SOS2: variants seen among roughly 807,000 people sequenced by gnomAD.
The protein encoded by SOS2 is SOS Ras/Rho guanine nucleotide exchange factor 2.
A neutral mutation model predicts 148.2 loss-of-function variants in SOS2; 65 were observed. That is an observed-to-expected ratio of 0.44 (90% CI 0.36 to 0.54). SOS2 has a LOEUF of 0.54. Ranked by LOEUF, SOS2 falls within the 20% of genes least tolerant of loss-of-function variation. SOS2 has a pLI of 0.00. For synonymous variants in SOS2, 539 were observed against 537.1 expected, an observed-to-expected ratio of 1.00 and a Z score of -0.05; for missense variants, 1,341 against 1,590.2, an observed-to-expected ratio of 0.84 and a Z score of 2.67.
At chr14:50,207,417 A>G (rs1432776134) in intron 1 of SOS2, among the ~76,000 whole-genome samples, 1 of 152,120 alleles carries the variant, frequency 6.6e-6, no homozygotes, top group African/African-American at 2.4e-5. Context: ...AGGCTAAAGC[A>G]AAAGGATTAC....
At chr14:50,132,693 C>A (rs1000250380) in intron 19 of SOS2, among the ~76,000 whole-genome samples, 1 of 151,962 alleles carries the variant, frequency 6.6e-6, no homozygotes, top group Non-Finnish European at 1.5e-5. Context: ...AAAGAAAGGT[C>A]ATGGCAACAG....
intron 8 of SOS2, among the ~76,000 whole-genome samples, chr14:50,172,989 A>G (rs948037987): frequency 6.6e-6 from 1 of 152,120 alleles, no homozygotes; most frequent in Non-Finnish European, 1.5e-5. Flanking sequence ...TATCTTGCTC[A>G]GTAAAATGTT....
intron 1 of SOS2, among the ~76,000 whole-genome samples, chr14:50,222,335 A>C (rs1887225468): frequency 6.6e-6 from 1 of 152,236 alleles, no homozygotes; most frequent in South Asian, 2.1e-4. Context: ...ATTTAGGAGA[A>C]AGAATCAAGT....
chr14:50,153,294 C>A, intron 12 of SOS2, 121 bp from the exon 13 acceptor site: 1 of 552,420 alleles, frequency 1.8e-6, no homozygotes, highest in East Asian at 2.8e-5. Flanking sequence ...CAAAGACTCT[C>A]TAATCTGTAT....
chr14:50,204,196 T>C, intron 2 of SOS2, 88 bp downstream of exon 2: 1 of 770,032 alleles, frequency 1.3e-6, no homozygotes, highest in East Asian at 2.9e-5. Context: ...GTGGTTTTAG[T>C]TTTCACAATA....
chr14:50,135,085 A>AAG (rs1192320723), intron 18 of SOS2, among the ~76,000 whole-genome samples: 1 of 143,950 alleles, frequency 6.9e-6, no homozygotes, highest in Non-Finnish European at 1.6e-5. Context: ...AAAAAAAAAA[A>AAG]AAAAAAAGAA....
intron 4 of SOS2, among the ~76,000 whole-genome samples, chr14:50,192,725 G>A (rs188105416): frequency 7.3e-5 from 11 of 151,664 alleles, no homozygotes; most frequent in Non-Finnish European, 1.0e-4. Flanking sequence ...TTAGCCAGGC[G>A]TGGTGGCAAG....
At chr14:50,189,093 A>G (rs552213362) in intron 4 of SOS2, among the ~76,000 whole-genome samples, 4 of 150,678 alleles carry the variant, frequency 2.7e-5, no homozygotes, top group African/African-American at 7.3e-5. Context: ...ACACACACAC[A>G]CACACACACG....
At chr14:50,140,778 G>A (rs1053596544) in intron 16 of SOS2, among the ~76,000 whole-genome samples, 3 of 152,114 alleles carry the variant, frequency 2.0e-5, no homozygotes, top group African/African-American at 7.2e-5. Flanking sequence ...GGATATGACT[G>A]CCCATGAGGA....
Position 50,118,494 on chromosome 14 carries a change from A to T in SOS2, c.3849T>A (p.Asn1283Lys), listed in dbSNP as rs1417984521. Residue 1283 changes from asparagine to lysine, a missense_variant, in exon 23 of 23, where the codon AAT (asparagine) becomes AAA (lysine). Coordinates refer to ENST00000216373, the MANE Select transcript of SOS2 (RefSeq NM_006939.4). ...RCYVLSSSQN[N>K]LAHPPAPPVP... is the part of the protein sequence containing the mutation. ...CAGGGGGAGCTGGAGGATGAGCAAG[A>T]TTATTCTGACTAGAACTGAGCACAT... The T allele has an allele frequency of 1.2e-6, 2 of 1,614,110 alleles. No individual in the cohort carries two copies. Among genetic ancestry groups the T allele is most frequent in the Non-Finnish European group, 1.7e-6 (2 of 1,180,018 alleles).
rs1318750223 is a variant in SOS2, at chr14:50,182,451, T to C, written c.858+12A>G. On this transcript the variant is annotated intron_variant, in intron 6 of 22. Coordinates refer to ENST00000216373, the MANE Select transcript of SOS2 (RefSeq NM_006939.4). ...GGCTTTAATGAGAATATAAGTAGTT[T>C]TGTAAACTTACTTCTGCCAAATCTT... 1 of 1,613,194 alleles carries C rather than the reference T, an allele frequency of 6.2e-7. No homozygotes were observed. The highest frequency in any genetic ancestry group is 1.7e-5 in the Admixed American group (1 of 59,966).
chr14:50,180,377 A>G (rs1050953438), intron 7 of SOS2, among the ~76,000 whole-genome samples, 195 bp downstream of exon 7: 3 of 148,588 alleles, frequency 2.0e-5, no homozygotes, highest in Non-Finnish European at 4.4e-5. Flanking sequence ...ATGTTGTACT[A>G]TAAAAGATTT....
At chr14:50,178,018 G>A (rs10134448) in intron 7 of SOS2, among the ~76,000 whole-genome samples, 21,626 of 152,140 alleles carry the variant, frequency 0.14, 2,017 homozygotes, top group African/African-American at 0.26. Context: ...CAGAAAAACA[G>A]GGGCTGATAA....
intron 1 of SOS2, among the ~76,000 whole-genome samples, chr14:50,229,525 G>A (rs1402778353): frequency 6.6e-6 from 1 of 151,828 alleles, no homozygotes; most frequent in Non-Finnish European, 1.5e-5. Flanking sequence ...AAAAAATCTG[G>A]GTCTGGTGCG....
chr14:50,230,647 C>A (rs1444284662), intron 1 of SOS2, among the ~76,000 whole-genome samples: 2 of 152,148 alleles, frequency 1.3e-5, no homozygotes, highest in African/African-American at 4.8e-5. Flanking sequence ...ACACCGTTTG[C>A]AGGAAGTGGG....
chr14:50,153,128 G>C lies in SOS2; in HGVS notation c.2103C>G (p.Asp701Glu). 1 of 1,607,336 alleles carries C rather than the reference G, an allele frequency of 6.2e-7. No individual in the cohort carries two copies. The highest frequency in any genetic ancestry group is 1.1e-5 in the South Asian group (1 of 90,716). ...CAAGCAATTCCAAGTCTCTTTCAAA[G>C]TCATAAAAATGATGTTCAACCCAAT... ...FRHWVEHHFY[D>E]FERDLELLER... The change falls in exon 13 of 23, where the codon GAC becomes GAG. Residue 701 changes from aspartate to glutamate, a missense_variant. Coordinates refer to ENST00000216373, the MANE Select transcript of SOS2 (RefSeq NM_006939.4).
chr14:50,219,640 G>C (rs1887143297), intron 1 of SOS2, among the ~76,000 whole-genome samples: 2 of 152,078 alleles, frequency 1.3e-5, no homozygotes, highest in East Asian at 3.9e-4. Flanking sequence ...TTATCACATT[G>C]TTGAAAACAT....
intron 16 of SOS2, among the ~76,000 whole-genome samples, chr14:50,141,203 CAAAAAAAAAAAAAAAAA>C (rs71118844): frequency 9.8e-5 from 3 of 30,582 alleles, no homozygotes; most frequent in Admixed American, 6.3e-4. Context: ...GACTCTGTCT[CAAAAAAAAAAAAAAAAA>C]AAAAAAAAAA....
At chr14:50,201,522 AC>A (rs375370252) in intron 2 of SOS2, among the ~76,000 whole-genome samples, 1,251 of 109,724 alleles carry the variant, frequency 0.011, 26 homozygotes, top group African/African-American at 0.043. Context: ...TGAGAGGGAG[AC>A]CCCCAACAGA....
Sources: gnomAD v4.1 joint callset for allele counts (sites outside exome capture counted in the v4.1 genomes callset) on GRCh38, gnomAD v4.1.1 for gene constraint, MANE v1.5 for transcripts, NCBI Gene and HGNC (gene_info 2026-07-23, HGNC 2026-07-21) for gene names.